The following FAR1 variants were observed in gnomAD, a reference collection of about 807,000 sequenced individuals.
FAR1 encodes the protein male sterility domain-containing protein 2.
FAR1 carries 22 observed loss-of-function variants against 61.1 expected under a neutral mutation model. The observed-to-expected ratio is 0.36, with a 90% confidence interval of 0.26 to 0.51. The LOEUF is 0.51. Ranked by LOEUF, FAR1 falls within the 20% of genes least tolerant of loss-of-function variation. FAR1 has a pLI of 0.95. For synonymous variants in FAR1, 206 were observed against 209.7 expected (o/e 0.98, Z 0.15); for missense variants, 359 against 626.9 (o/e 0.57, Z 4.56).
At chr11:13,712,096 G>T in intron 7 of FAR1, 50 bp downstream of exon 7, 1 of 1,247,954 alleles carries the variant, frequency 8.0e-7, no homozygotes, top group Non-Finnish European at 1.2e-6. Context: ...ACTGAAAAGG[G>T]AAGACATAGC....
intron 7 of FAR1, among the ~76,000 whole-genome samples, chr11:13,712,571 A>T (rs1456708994): frequency 6.6e-6 from 1 of 151,964 alleles, no homozygotes; most frequent in Non-Finnish European, 1.5e-5. Flanking sequence ...AAAAAGAGAG[A>T]TAGGATTATA....
intron 4 of FAR1, among the ~76,000 whole-genome samples, chr11:13,710,172 T>C (rs1325953352): frequency 6.6e-6 from 1 of 152,116 alleles, no homozygotes; most frequent in Admixed American, 6.5e-5. Flanking sequence ...TAAATGTATG[T>C]TAATTATAAC....
intron 1 of FAR1, among the ~76,000 whole-genome samples, chr11:13,681,435 TTC>T (rs1565339318): frequency 2.0e-5 from 3 of 152,228 alleles, no homozygotes; most frequent in Non-Finnish European, 2.9e-5. Flanking sequence ...ACCCTAACTG[TTC>T]TCTCATTCTG....
chr11:13,711,808 G>A lies in FAR1; in HGVS notation c.768G>A (p.Ala256=), dbSNP rs199571176. ...NFNGPSGLFI[A]AGKGILRTIR... The stretch of plus-strand genomic sequence containing the variant: ...ATGGACCAAGTGGTCTCTTTATTGC[G>A]GTAAGTAAACCTTTTGATTTATTTA... Residue 256 remains alanine, a splice_region_variant and synonymous_variant, in exon 6 of 12, where the codon GCG becomes GCA. Coordinates refer to ENST00000354817, the MANE Select transcript of FAR1 (RefSeq NM_032228.6). 91 of 1,598,866 alleles carry A rather than the reference G, an allele frequency of 5.7e-5. No individual in the cohort carries two copies. The highest frequency in any genetic ancestry group is 2.1e-4 in the Middle Eastern group (1 of 4,808).
intron 1 of FAR1, chr11:13,669,747 C>T (rs1388474217): frequency 4.6e-5 from 7 of 152,196 alleles, no homozygotes; most frequent in Non-Finnish European, 1.0e-4. Flanking sequence ...TCCTACACTC[C>T]ACCCCTCCTG....
intron 1 of FAR1, among the ~76,000 whole-genome samples, chr11:13,673,968 C>T (rs1265421109): frequency 2.0e-5 from 3 of 152,130 alleles, no homozygotes; most frequent in Non-Finnish European, 4.4e-5. Flanking sequence ...ATAACTCATT[C>T]TCTTTCATTA....
intron 2 of FAR1, among the ~76,000 whole-genome samples, chr11:13,697,460 CAAAA>C (rs1430938493): frequency 1.3e-5 from 2 of 150,200 alleles, no homozygotes; most frequent in African/African-American, 4.9e-5. Flanking sequence ...GACCCTATCT[CAAAA>C]AAATAAAAAA....
chr11:13,686,301 A>G (rs1848184072), intron 1 of FAR1, among the ~76,000 whole-genome samples: 1 of 152,114 alleles, frequency 6.6e-6, no homozygotes. Context: ...TTAAAACTTC[A>G]TTCTTATTCT....
intron 2 of FAR1, among the ~76,000 whole-genome samples, chr11:13,695,834 A>G (rs1194329051): frequency 6.6e-6 from 1 of 152,196 alleles, no homozygotes; most frequent in Non-Finnish European, 1.5e-5. Flanking sequence ...ATATCACATC[A>G]GCATTTGTTT....
chr11:13,678,726 T>G (rs1329049003), intron 1 of FAR1, among the ~76,000 whole-genome samples: 3 of 152,044 alleles, frequency 2.0e-5, no homozygotes, highest in African/African-American at 4.8e-5. Context: ...TAGTGGGTCT[T>G]TTTTTTGTTT....
intron 1 of FAR1, among the ~76,000 whole-genome samples, chr11:13,693,930 C>T (rs1488722996): frequency 6.6e-6 from 1 of 152,130 alleles, no homozygotes; most frequent in African/African-American, 2.4e-5. Context: ...AACATAAATA[C>T]AATTCAAGCT....
intron 3 of FAR1, among the ~76,000 whole-genome samples, chr11:13,705,469 T>A (rs1308550388): frequency 1.3e-5 from 2 of 152,198 alleles, no homozygotes; most frequent in African/African-American, 4.8e-5. Context: ...TTCGGTGACC[T>A]AGAAACTCTG....
chr11:13,691,843 C>G (rs996280929), intron 1 of FAR1, among the ~76,000 whole-genome samples: 2 of 152,014 alleles, frequency 1.3e-5, no homozygotes, highest in African/African-American at 4.8e-5. Flanking sequence ...ATCCCTAATC[C>G]AAAAAATCTG....
At chr11:13,708,669 A>G (rs1484953165) in intron 4 of FAR1, among the ~76,000 whole-genome samples, 1 of 152,084 alleles carries the variant, frequency 6.6e-6, no homozygotes, top group African/African-American at 2.4e-5. Context: ...CAGGGAATCA[A>G]TCTTAGCAAC....
At chr11:13,710,409 A>G (rs1284526022) in intron 4 of FAR1, among the ~76,000 whole-genome samples, 1 of 152,096 alleles carries the variant, frequency 6.6e-6, no homozygotes, top group Non-Finnish European at 1.5e-5. Context: ...TATCAAAAAA[A>G]AGACCATAAG....
chr11:13,688,040 GT>G (rs1200523708), intron 1 of FAR1, among the ~76,000 whole-genome samples: 2 of 151,866 alleles, frequency 1.3e-5, no homozygotes, highest in Admixed American at 1.3e-4. Flanking sequence ...CATGGCACAT[GT>G]ATACATATGT....
intron 1 of FAR1, among the ~76,000 whole-genome samples, chr11:13,672,658 AG>A (rs1161703414): frequency 6.8e-6 from 1 of 147,568 alleles, no homozygotes; most frequent in Non-Finnish European, 1.5e-5. Flanking sequence ...TTGGGGTAGG[AG>A]AGAAGATAGT....
Position 13,700,393 on chromosome 11 carries a change from C to A in FAR1, c.266C>A (p.Pro89His). The A allele has an allele frequency of 6.2e-7, 1 of 1,603,228 alleles. No homozygotes were observed. Among genetic ancestry groups the A allele is most frequent in the Non-Finnish European group, 8.5e-7 (1 of 1,176,208 alleles). The change falls in exon 3 of 12, where the codon CCT becomes CAT. Residue 89 changes from proline to histidine, a missense_variant. Around this residue, in one of 2 missense-constraint regions of FAR1, gnomAD observed 344 missense variants for 570.3 expected, o/e 0.60. Coordinates refer to ENST00000354817, the MANE Select transcript of FAR1 (RefSeq NM_032228.6). ...IIAINSELTQ[P>H]KLALSEEDKE... ...GCAATCAACAGCGAACTCACCCAAC[C>A]TAAACTGGCTCTCAGTGAAGAAGAT...
At chr11:13,671,029 T>C (rs1411700963) in intron 1 of FAR1, among the ~76,000 whole-genome samples, 1 of 152,260 alleles carries the variant, frequency 6.6e-6, no homozygotes, top group Non-Finnish European at 1.5e-5. Context: ...TTTTAACTAA[T>C]GGACCATTAT....
Sources: gnomAD v4.1 joint callset for allele counts (sites outside exome capture counted in the v4.1 genomes callset) on GRCh38, gnomAD v4.1.1 for gene constraint, gnomAD v4.1.1 regional missense constraint, MANE v1.5 for transcripts, NCBI Gene and HGNC (gene_info 2026-07-23, HGNC 2026-07-21) for gene names.